CAPZA2: variants seen among roughly 807,000 people sequenced by gnomAD.
CAPZA2 encodes capping actin protein of muscle Z-line subunit alpha 2.
In CAPZA2, 13 loss-of-function variants were observed where a neutral mutation model predicts 44.0. That is an observed-to-expected ratio of 0.30 (90% CI 0.19 to 0.47). CAPZA2 has a LOEUF of 0.47. Ranked by LOEUF, CAPZA2 falls within the 20% of genes least tolerant of loss-of-function variation. The pLI is 1.00. For synonymous variants in CAPZA2, 94 were observed against 108.2 expected (o/e 0.87, Z 0.81); for missense variants, 244 against 338.6 (o/e 0.72, Z 2.19).
At position 116,916,611 on chromosome 7, in the gene CAPZA2, C is replaced by T. The variant is rs577848604; in HGVS notation, c.720+489C>T. 4.0e-5 allele frequency among the ~76,000 whole-genome samples: 6 copies of T among 151,422 alleles called. No homozygotes were observed. The East Asian group carries it at 7.8e-4, about 20-fold the overall frequency. On this transcript the variant is annotated intron_variant, in intron 9 of 9. Coordinates refer to ENST00000361183, the MANE Select transcript of CAPZA2 (RefSeq NM_006136.3). ...ACTGCACTCCAGCCTGGTGACAGAGCGAGACTCCGTCTCAAAAAAAAAAAA... is the reference window on the plus strand; with the variant it reads ...ACTGCACTCCAGCCTGGTGACAGAGTGAGACTCCGTCTCAAAAAAAAAAAA...
At chr7:116,865,926 T>A (rs960731616) in intron 1 of CAPZA2, among the ~76,000 whole-genome samples, 1 of 152,200 alleles carries the variant, frequency 6.6e-6, no homozygotes, top group African/African-American at 2.4e-5. Context: ...GGTTCTAAAT[T>A]TTTGTCTTGA....
chr7:116,881,049 A>G (rs1290822926), intron 1 of CAPZA2, among the ~76,000 whole-genome samples: 4 of 152,086 alleles, frequency 2.6e-5, no homozygotes, highest in Admixed American at 2.6e-4. Flanking sequence ...GGATTAGAAT[A>G]TTAATTTGCT....
intron 1 of CAPZA2, among the ~76,000 whole-genome samples, chr7:116,884,920 C>T (rs952779852): frequency 2.6e-5 from 4 of 152,028 alleles, no homozygotes; most frequent in Non-Finnish European, 5.9e-5. Context: ...GTGTTATGTC[C>T]TTTTTATTTT....
At chr7:116,890,545 T>C (rs1335491614) in intron 2 of CAPZA2, among the ~76,000 whole-genome samples, 2 of 12,012 alleles carry the variant, frequency 1.7e-4, no homozygotes, top group East Asian at 4.3e-3. Flanking sequence ...TATATATATA[T>C]ATATATATAT....
intron 4 of CAPZA2, among the ~76,000 whole-genome samples, chr7:116,901,850 GA>G (rs901341220): frequency 8.6e-5 from 12 of 139,678 alleles, no homozygotes; most frequent in South Asian, 2.3e-4. Context: ...AGTTTATGTG[GA>G]AAAAAAAACA....
intron 1 of CAPZA2, among the ~76,000 whole-genome samples, chr7:116,878,840 A>G (rs1352971712): frequency 1.3e-5 from 2 of 152,162 alleles, no homozygotes; most frequent in Non-Finnish European, 2.9e-5. Flanking sequence ...TATATTTAAG[A>G]ATATTGGCCA....
Position 116,917,713 on chromosome 7 carries a change from A to T in CAPZA2, c.721-14A>T, listed in dbSNP as rs755926620. On this transcript the variant is annotated splice_polypyrimidine_tract_variant and intron_variant, in intron 9 of 9. Transcript: ENST00000361183. ...TTTGCTTTACTTTAAACTTCTAACT[A>T]TTGTTTTTCATAGACTGCCATCAGT... 2.5e-6 allele frequency: 4 copies of T among 1,579,428 alleles called. No homozygotes were observed. The highest frequency in any genetic ancestry group is 3.5e-6 in the Non-Finnish European group (4 of 1,148,384).
At chr7:116,871,073 C>G (rs1796549035) in intron 1 of CAPZA2, among the ~76,000 whole-genome samples, 1 of 152,170 alleles carries the variant, frequency 6.6e-6, no homozygotes, top group Non-Finnish European at 1.5e-5. Context: ...TTTGAGAATC[C>G]TCTTTTTGTG....
At chr7:116,916,391 G>A (rs1174625309) in intron 9 of CAPZA2, among the ~76,000 whole-genome samples, 18 of 152,358 alleles carry the variant, frequency 1.2e-4, no homozygotes, top group South Asian at 6.2e-4. Context: ...CTGGGAAGCC[G>A]AGGCAGGTGG....
intron 1 of CAPZA2, among the ~76,000 whole-genome samples, chr7:116,881,173 G>A (rs1009019028): frequency 6.6e-6 from 1 of 152,046 alleles, no homozygotes; most frequent in Non-Finnish European, 1.5e-5. Flanking sequence ...GGGCTTTCTT[G>A]AGGAAGTCAC....
At chr7:116,906,949 G>C (rs1310445220) in intron 6 of CAPZA2, among the ~76,000 whole-genome samples, 1 of 152,110 alleles carries the variant, frequency 6.6e-6, no homozygotes, top group Non-Finnish European at 1.5e-5. Flanking sequence ...GACTATTTCT[G>C]AGTACCTGTT....
chr7:116,909,581 TA>T (rs1239125428), intron 6 of CAPZA2, among the ~76,000 whole-genome samples: 3,034 of 141,866 alleles, frequency 0.021, 93 homozygotes, highest in African/African-American at 0.072. Context: ...ATTGGAAAAC[TA>T]AAAAAAAAAA....
chr7:116,904,155 T>C (rs1414709756), intron 4 of CAPZA2, 22 bp from the exon 5 acceptor site: 1 of 1,481,428 alleles, frequency 6.8e-7, no homozygotes, highest in East Asian at 2.3e-5. Flanking sequence ...ATTTTTTTTC[T>C]AAATTCATTC....
chr7:116,916,151 A>C (rs1791676566), intron 9 of CAPZA2, 29 bp downstream of exon 9: 1 of 1,501,164 alleles, frequency 6.7e-7, no homozygotes, highest in Non-Finnish European at 8.9e-7. Context: ...TATATAAGCT[A>C]CACTCACATA....
intron 2 of CAPZA2, among the ~76,000 whole-genome samples, chr7:116,889,278 T>G (rs1367543880): frequency 6.6e-6 from 1 of 152,248 alleles, no homozygotes; most frequent in African/African-American, 2.4e-5. Context: ...TATAAATGTG[T>G]TGTTGTTTCT....
intron 2 of CAPZA2, 24 bp from the exon 3 acceptor site, chr7:116,892,970 G>C (rs748979003): frequency 1.3e-6 from 2 of 1,533,492 alleles, no homozygotes; most frequent in East Asian, 2.3e-5. Context: ...CAATAATAAT[G>C]TAGATAACAT....
intron 1 of CAPZA2, among the ~76,000 whole-genome samples, chr7:116,868,231 C>A (rs1401241605): frequency 6.6e-6 from 1 of 152,126 alleles, no homozygotes; most frequent in Non-Finnish European, 1.5e-5. Flanking sequence ...TAGTTATTTG[C>A]TTACCGTTTT....
intron 3 of CAPZA2, among the ~76,000 whole-genome samples, chr7:116,895,840 C>G (rs12706112): frequency 0.17 from 26,381 of 151,950 alleles, 2,734 homozygotes; most frequent in East Asian, 0.3. Flanking sequence ...TTCACAGTGT[C>G]CTCTCTGTGA....
At chr7:116,912,288 ACT>A (rs1216142639) in intron 8 of CAPZA2, 148 bp downstream of exon 8, 1 of 1,221,636 alleles carries the variant, frequency 8.2e-7, no homozygotes, top group Non-Finnish European at 1.1e-6. Context: ...CCTGTACCTA[ACT>A]TTTTTGCAGC....
Sources: allele counts gnomAD v4.1 joint callset (sites outside exome capture counted in the v4.1 genomes callset), GRCh38; gene constraint gnomAD v4.1.1; transcripts MANE v1.5; gene names NCBI Gene and HGNC (gene_info 2026-07-23, HGNC 2026-07-21).